Variants in ARID1B observed in about 807,000 individuals in gnomAD.
The protein encoded by ARID1B is AT-rich interaction domain 1B, also known as AT-rich interactive domain-containing protein 1B.
Under a neutral mutation model 212.3 loss-of-function variants are expected in ARID1B, and 30 were observed. The observed-to-expected ratio is 0.14, with a 90% CI of 0.11 to 0.19. The LOEUF is 0.19. Among genes scored for constraint, ARID1B ranks in the 10% least tolerant of loss-of-function variants. The pLI, the probability that ARID1B is intolerant of heterozygous loss-of-function variation, is 1.00. For missense variants in ARID1B, 2,891 were observed against 3,204.0 expected, an observed-to-expected ratio of 0.90 and a Z score of 2.36; for synonymous variants, 1,402 against 1,301.7, an observed-to-expected ratio of 1.08 and a Z score of -1.66.
At chr6:156,893,625 TA>T (rs1788138972) in intron 2 of ARID1B, among the ~76,000 whole-genome samples, 1 of 151,940 alleles carries the variant, frequency 6.6e-6, no homozygotes, top group South Asian at 2.1e-4. Context: ...AGGACTTGAA[TA>T]AACATTTTTC....
intron 4 of ARID1B, among the ~76,000 whole-genome samples, chr6:157,082,520 C>T (rs967420306): frequency 2.6e-5 from 4 of 152,116 alleles, no homozygotes; most frequent in African/African-American, 7.2e-5. Context: ...TTCTAACAAT[C>T]GGATTGAATT....
chr6:156,956,986 A>G (rs1189898986), intron 4 of ARID1B, among the ~76,000 whole-genome samples: 1 of 152,190 alleles, frequency 6.6e-6, no homozygotes, highest in African/African-American at 2.4e-5. Flanking sequence ...GAAAATAACA[A>G]TGTTAGGTTA....
intron 4 of ARID1B, among the ~76,000 whole-genome samples, chr6:157,018,626 C>A (rs908547696): frequency 5.3e-5 from 8 of 152,188 alleles, no homozygotes; most frequent in African/African-American, 1.7e-4. Context: ...GTTTACTAAT[C>A]TGAAGTTTTG....
chr6:157,027,331 A>G (rs1405323054), intron 4 of ARID1B, among the ~76,000 whole-genome samples: 2 of 152,230 alleles, frequency 1.3e-5, no homozygotes, highest in Non-Finnish European at 2.9e-5. Flanking sequence ...CCAATTTGAT[A>G]ATCAAAATAA....
In ARID1B at chr6:157,094,806, T is replaced by C. The variant is rs922145167; in HGVS notation, c.2491+9901T>C. Among the ~76,000 whole-genome samples, 2 of 152,182 alleles carry C rather than the reference T, an allele frequency of 1.3e-5. No individual in the cohort carries two copies. The highest frequency in any genetic ancestry group is 4.1e-4 in the South Asian group (2 of 4,826). On this transcript the variant is annotated intron_variant, in intron 5 of 19. Coordinates refer to ENST00000636930, the MANE Select transcript of ARID1B (RefSeq NM_001374828.1). The surrounding 1 kb of genome is among the most constrained non-coding windows in gnomAD (Gnocchi z 4.3). ...TGGGAGCAGAGACATCGGAGGCTCC[T>C]GCAGTAACCACGCGGAGTGTTGATG...
At chr6:156,830,492 A>G (rs1783071399) in intron 2 of ARID1B, among the ~76,000 whole-genome samples, 1 of 152,366 alleles carries the variant, frequency 6.6e-6, no homozygotes, top group South Asian at 2.1e-4. Flanking sequence ...ACATAGCTGT[A>G]TATTAACAGT....
chr6:156,865,273 T>A (rs1349871796), intron 2 of ARID1B, among the ~76,000 whole-genome samples: 1 of 152,204 alleles, frequency 6.6e-6, no homozygotes, highest in East Asian at 1.9e-4. Flanking sequence ...AGAGACCAAA[T>A]TTTTAAGATC....
At chr6:157,194,096 T>A (rs1003453858) in intron 15 of ARID1B, 1 of 152,276 alleles carries the variant, frequency 6.6e-6, no homozygotes, top group African/African-American at 2.4e-5. Flanking sequence ...CTCACACATC[T>A]TTTCATATGT....
At chr6:157,205,712 A>G (rs1448830127) in intron 19 of ARID1B, 12 of 157,662 alleles carry the variant, frequency 7.6e-5, no homozygotes, top group Admixed American at 4.9e-4. Flanking sequence ...AATAACAACC[A>G]TAAAAATCCC....
chr6:156,825,109 C>T (rs543101118), intron 1 of ARID1B, among the ~76,000 whole-genome samples: 13 of 152,312 alleles, frequency 8.5e-5, no homozygotes, highest in Admixed American at 7.8e-4. Context: ...AGGCAATCCA[C>T]CTGCCTCAGC....
At chr6:157,089,194 T>C (rs1179295566) in intron 5 of ARID1B, among the ~76,000 whole-genome samples, 1 of 152,176 alleles carries the variant, frequency 6.6e-6, no homozygotes, top group Non-Finnish European at 1.5e-5. Flanking sequence ...CTAGGATTTG[T>C]TGAAAAAAAA....
chr6:157,159,975 G>A (rs1790827295), intron 8 of ARID1B, among the ~76,000 whole-genome samples: 1 of 152,200 alleles, frequency 6.6e-6, no homozygotes, highest in Non-Finnish European at 1.5e-5. Context: ...AAAATAAAAT[G>A]TAAACATATC....
intron 5 of ARID1B, among the ~76,000 whole-genome samples, chr6:157,088,874 C>T (rs1785112658): frequency 6.6e-6 from 1 of 152,174 alleles, no homozygotes. Flanking sequence ...ACGACATGCT[C>T]TCCCAGGCGT....
At chr6:156,916,284 C>T (rs1790348411) in intron 3 of ARID1B, among the ~76,000 whole-genome samples, 1 of 152,148 alleles carries the variant, frequency 6.6e-6, no homozygotes, top group Non-Finnish European at 1.5e-5. Context: ...TTTCTTGTCT[C>T]TGCTGCTCTT....
At chr6:156,922,235 C>T (rs577490861) in intron 3 of ARID1B, among the ~76,000 whole-genome samples, 1 of 147,702 alleles carries the variant, frequency 6.8e-6, no homozygotes, top group African/African-American at 2.5e-5. Context: ...TGCAGTGGTG[C>T]AATCTCAGCT....
intron 6 of ARID1B, among the ~76,000 whole-genome samples, chr6:157,129,684 C>G (rs1036771642): frequency 2.6e-5 from 4 of 152,188 alleles, no homozygotes; most frequent in African/African-American, 7.2e-5. Flanking sequence ...AACTCCATCT[C>G]CTTTTTGCAA....
intron 2 of ARID1B, among the ~76,000 whole-genome samples, chr6:156,830,517 C>A (rs1783074353): frequency 6.6e-6 from 1 of 152,144 alleles, no homozygotes; most frequent in African/African-American, 2.4e-5. Flanking sequence ...CAGTAGGTTG[C>A]TTCTGAGCCT....
At chr6:156,944,882 C>T (rs1792949702) in intron 4 of ARID1B, among the ~76,000 whole-genome samples, 1 of 151,958 alleles carries the variant, frequency 6.6e-6, no homozygotes, top group Non-Finnish European at 1.5e-5. Flanking sequence ...ATGCCTCCTG[C>T]ATCCCCTGCA....
intron 2 of ARID1B, among the ~76,000 whole-genome samples, chr6:156,841,070 G>C (rs1783865564): frequency 6.6e-6 from 1 of 152,220 alleles, no homozygotes. Context: ...GGGATTTGCT[G>C]CTGGAGGGAA....
Sources: gnomAD v4.1 joint callset for allele counts (sites outside exome capture counted in the v4.1 genomes callset) on GRCh38, gnomAD v4.1.1 for gene constraint, Gnocchi (gnomAD v3.1) non-coding constraint, MANE v1.5 for transcripts, NCBI Gene and HGNC (gene_info 2026-07-23, HGNC 2026-07-21) for gene names.